The following PTPRT variants were observed in gnomAD, a reference collection of about 807,000 sequenced individuals.
The protein encoded by PTPRT is protein tyrosine phosphatase receptor type T.
A neutral mutation model predicts 176.8 loss-of-function variants in PTPRT; 56 were observed. That is an observed-to-expected ratio of 0.32 (90% confidence interval 0.26 to 0.40). PTPRT has a LOEUF of 0.40. Ranked by LOEUF, PTPRT falls within the 10% of genes least tolerant of loss-of-function variation. PTPRT has a pLI of 1.00. For synonymous variants in PTPRT, 783 were observed against 739.0 expected (o/e 1.06, Z -0.96); for missense variants, 1,540 against 1,908.2 (o/e 0.81, Z 3.60).
intron 1 of PTPRT, among the ~76,000 whole-genome samples, chr20:42,956,380 G>C (rs1217814361): frequency 6.6e-6 from 1 of 151,958 alleles, no homozygotes; most frequent in African/African-American, 2.4e-5. Flanking sequence ...TTGAAAGTTT[G>C]TGGCACCTCC....
chr20:42,066,192 A>G, the PTPRT span, among the ~76,000 whole-genome samples: 1 of 148,146 alleles, frequency 6.8e-6, no homozygotes, highest in South Asian at 2.3e-4. Context: ...GGCACGTGCC[A>G]CCATGACGGC....
chr20:43,115,431 C>A (rs1311357638), intron 1 of PTPRT, among the ~76,000 whole-genome samples: 1 of 152,138 alleles, frequency 6.6e-6, no homozygotes, highest in Non-Finnish European at 1.5e-5. Context: ...TTTGTTCAAG[C>A]CCCCCAGTCA....
At chr20:42,379,714 G>T (rs1282098209) in intron 9 of PTPRT, among the ~76,000 whole-genome samples, 1 of 152,232 alleles carries the variant, frequency 6.6e-6, no homozygotes, top group African/African-American at 2.4e-5. Flanking sequence ...TAATTTCAAG[G>T]TAATTTGAAC....
chr20:42,034,198 A>G, the PTPRT span, among the ~76,000 whole-genome samples: 1 of 152,280 alleles, frequency 6.6e-6, no homozygotes, highest in Non-Finnish European at 1.5e-5. Context: ...TGAAGGATCA[A>G]CTGGAGAAAT....
At chr20:42,474,752 T>C (rs533795447) in intron 7 of PTPRT, among the ~76,000 whole-genome samples, 36 of 152,194 alleles carry the variant, frequency 2.4e-4, no homozygotes, top group Admixed American at 1.2e-3. Flanking sequence ...CAGAGAGCAA[T>C]AAATGGCTTG....
At chr20:42,423,880 T>C (rs1453455425) in intron 9 of PTPRT, among the ~76,000 whole-genome samples, 1 of 151,968 alleles carries the variant, frequency 6.6e-6, no homozygotes, top group African/African-American at 2.4e-5. Flanking sequence ...ATAATAAAGA[T>C]GCAATAATTA....
intron 6 of PTPRT, among the ~76,000 whole-genome samples, chr20:42,706,113 G>A (rs2076050732): frequency 2.0e-5 from 3 of 151,662 alleles, no homozygotes; most frequent in Admixed American, 1.3e-4. Context: ...TCCAGGTCAT[G>A]TATGTCTGTC....
intron 7 of PTPRT, among the ~76,000 whole-genome samples, chr20:42,482,576 G>A (rs35556806): frequency 0.062 from 9,398 of 152,140 alleles, 371 homozygotes; most frequent in Non-Finnish European, 0.085. Context: ...TTCTAGTGGG[G>A]GTAGGAGATT....
chr20:42,549,786 G>A (rs925990503), intron 7 of PTPRT, among the ~76,000 whole-genome samples: 3 of 152,124 alleles, frequency 2.0e-5, no homozygotes, highest in African/African-American at 7.2e-5. Context: ...CGACAACACT[G>A]CCTTATTTCC....
intron 3 of PTPRT, among the ~76,000 whole-genome samples, chr20:42,789,074 T>C (rs2077335491): frequency 1.3e-5 from 2 of 152,244 alleles, no homozygotes; most frequent in African/African-American, 4.8e-5. Flanking sequence ...ATGTATCCAC[T>C]TCTTCAGCTA....
At position 42,076,528 on chromosome 20, in the gene PTPRT, A is replaced by G. The variant is rs1462087165; in HGVS notation, c.*4351T>C. On this transcript the variant is annotated 3_prime_UTR_variant, in exon 31 of 31. Coordinates refer to ENST00000373187, the MANE Select transcript of PTPRT (RefSeq NM_007050.6). ...AAGATGCCTTAGTTGAGGTCCCCTCATGAACAGTGAGGTCAGAGCACCCAC... is the reference window on the plus strand; with the variant it reads ...AAGATGCCTTAGTTGAGGTCCCCTCGTGAACAGTGAGGTCAGAGCACCCAC... 1 of 202,832 alleles carries G rather than the reference A, an allele frequency of 4.9e-6. No individual in the cohort carries two copies. The highest frequency in any genetic ancestry group is 1.0e-5 in the Non-Finnish European group (1 of 98,726). 12.6% of individuals were successfully genotyped at this position (202,832 alleles called of 1,614,324 possible). A position where few individuals can be genotyped will look rare whatever the true frequency, so the allele number is the denominator to read the frequency against.
chr20:42,850,707 G>C (rs1029586010), intron 2 of PTPRT, among the ~76,000 whole-genome samples: 10 of 152,134 alleles, frequency 6.6e-5, no homozygotes, highest in African/African-American at 2.2e-4. Flanking sequence ...GCCAGGCCTG[G>C]TCCTTTTTCT....
chr20:42,106,512 C>T (rs1343258876), intron 24 of PTPRT, among the ~76,000 whole-genome samples: 1 of 152,166 alleles, frequency 6.6e-6, no homozygotes, highest in African/African-American at 2.4e-5. Context: ...ATTTGTCATT[C>T]TGTCCCTGCT....
chr20:42,694,197 C>A (rs1265067734), intron 6 of PTPRT, among the ~76,000 whole-genome samples: 1 of 151,962 alleles, frequency 6.6e-6, no homozygotes, highest in Non-Finnish European at 1.5e-5. Flanking sequence ...CGCCACCATG[C>A]CCGGCTAATT....
chr20:42,212,589 A>G (rs2055670105), intron 15 of PTPRT, among the ~76,000 whole-genome samples: 1 of 152,126 alleles, frequency 6.6e-6, no homozygotes, highest in East Asian at 1.9e-4. Flanking sequence ...TCCATGTCAG[A>G]CTAGCTGTGC....
At chr20:42,212,038 A>G (rs1399823397) in intron 15 of PTPRT, among the ~76,000 whole-genome samples, 3 of 114,232 alleles carry the variant, frequency 2.6e-5, no homozygotes, top group African/African-American at 5.8e-5. Flanking sequence ...TCAGTAAACT[A>G]TCACAAGAAA....
At chr20:42,100,518 A>ACAAT (rs1309094839) in intron 26 of PTPRT, among the ~76,000 whole-genome samples, 2 of 152,238 alleles carry the variant, frequency 1.3e-5, no homozygotes, top group African/African-American at 4.8e-5. Context: ...CAAAGAGAAT[A>ACAAT]CAATCAGCAT....
At chr20:42,624,966 G>T (rs565327563) in intron 7 of PTPRT, among the ~76,000 whole-genome samples, 1 of 152,190 alleles carries the variant, frequency 6.6e-6, no homozygotes, top group Non-Finnish European at 1.5e-5. Flanking sequence ...TTCCAAATTT[G>T]GCTTGAGGCA....
Position 42,738,592 on chromosome 20 carries a change from T to C in PTPRT, c.859+17870A>G, listed in dbSNP as rs111657542. ...ATTTTTCTTCTCCCCTCCATTAGAA[T>C]ATCTGCTTCAAAATAGTCGAAGCCC... On this transcript the variant is annotated intron_variant, in intron 6 of 30. Coordinates refer to ENST00000373187, the MANE Select transcript of PTPRT (RefSeq NM_007050.6). Among the ~76,000 whole-genome samples, 8 of 152,314 alleles carry C rather than the reference T, an allele frequency of 5.3e-5. 1 individual carries two copies. Among genetic ancestry groups the C allele is most frequent in the African/African-American group, 1.7e-4 (7 of 41,582 alleles).
Sources: gnomAD v4.1 joint callset for allele counts (sites outside exome capture counted in the v4.1 genomes callset) on GRCh38, gnomAD v4.1.1 for gene constraint, MANE v1.5 for transcripts, NCBI Gene and HGNC (gene_info 2026-07-23, HGNC 2026-07-21) for gene names.